Variants in TXNRD2 observed in about 807,000 individuals in gnomAD.
TXNRD2 encodes the protein thioredoxin reductase 2, mitochondrial.
Under a neutral mutation model 70.8 loss-of-function variants are expected in TXNRD2, and 67 were observed. That is an observed-to-expected ratio of 0.95 (90% CI 0.78 to 1.16). The LOEUF (loss-of-function observed/expected upper bound fraction) is 1.16. TXNRD2 is among the 50% of genes most tolerant of loss of function. The probability of loss-of-function intolerance (pLI) is 0.00; values close to 1 mark genes in which losing one functional copy is unlikely to be tolerated. For synonymous variants in TXNRD2, 301 were observed against 295.8 expected (o/e 1.02, Z -0.18); for missense variants, 644 against 719.9 (o/e 0.89, Z 1.21).
chr22:19,879,577 G>A lies in TXNRD2; in HGVS notation c.1275+602C>T, dbSNP rs7293098. On this transcript the variant is annotated intron_variant, in intron 14 of 17. Coordinates refer to ENST00000400521, the MANE Select transcript of TXNRD2 (RefSeq NM_006440.5). ...CGGGGGGCGGGGGGCTCTCGCCTGG[G>A]AGAAACCCTGGGCAGTCCAGGAAGA... Among the ~76,000 whole-genome samples, 646 of 141,560 alleles carry A rather than the reference G, an allele frequency of 4.6e-3. 3 individuals carry two copies. Among genetic ancestry groups the A allele is most frequent in the African/African-American group, 0.016 (615 of 39,392 alleles). The allele number at this position is 141,560 out of a possible 152,430, so 92.9% of individuals were successfully genotyped here.
At chr22:19,921,766 G>C (rs1036592171) in intron 2 of TXNRD2, among the ~76,000 whole-genome samples, 2 of 152,154 alleles carry the variant, frequency 1.3e-5, no homozygotes, top group Non-Finnish European at 2.9e-5. Flanking sequence ...AGATCTGATC[G>C]GCGCATGTGT....
intron 8 of TXNRD2, among the ~76,000 whole-genome samples, chr22:19,904,862 G>C (rs562124765): frequency 6.6e-6 from 1 of 152,350 alleles, no homozygotes; most frequent in East Asian, 1.9e-4. Flanking sequence ...ACTACGGGAG[G>C]CACTCAGGGG....
chr22:19,888,884 T>TC (rs1198014727), intron 11 of TXNRD2, among the ~76,000 whole-genome samples: 3 of 137,934 alleles, frequency 2.2e-5, no homozygotes, highest in Non-Finnish European at 4.7e-5. Context: ...TTTATCTTCT[T>TC]TTTTTTTTTT....
chr22:19,936,094 T>G (rs1380291283), intron 1 of TXNRD2, among the ~76,000 whole-genome samples: 1 of 152,174 alleles, frequency 6.6e-6, no homozygotes, highest in Non-Finnish European at 1.5e-5. Flanking sequence ...TGTGGAACTA[T>G]GGGATCATGT....
chr22:19,910,416 C>T (rs1419713758), intron 8 of TXNRD2, among the ~76,000 whole-genome samples: 1 of 152,210 alleles, frequency 6.6e-6, no homozygotes, highest in Admixed American at 6.5e-5. Flanking sequence ...TGGCTCTCCC[C>T]TCCTTAATGT....
At chr22:19,894,969 CAAA>C (rs35599379) in intron 11 of TXNRD2, 3,479 of 1,256,810 alleles carry the variant, frequency 2.8e-3, no homozygotes, top group East Asian at 5.8e-3. Context: ...GACTCCATCT[CAAA>C]AAAAAAAAAA....
intron 9 of TXNRD2, among the ~76,000 whole-genome samples, chr22:19,898,470 C>CTGCTTTCT (rs982159414): frequency 1.0e-4 from 15 of 149,632 alleles, no homozygotes; most frequent in Admixed American, 9.9e-4. Context: ...TGCCAGGCAG[C>CTGCTTTCT]TGCTTTCTTC....
chr22:19,904,286 C>T (rs1039045151), intron 8 of TXNRD2, among the ~76,000 whole-genome samples: 2 of 152,266 alleles, frequency 1.3e-5, no homozygotes, highest in Non-Finnish European at 2.9e-5. Context: ...AAACCAGGTG[C>T]TCAGCCCACT....
chr22:19,885,484 C>A (rs1938986395), intron 11 of TXNRD2, among the ~76,000 whole-genome samples: 1 of 152,224 alleles, frequency 6.6e-6, no homozygotes, highest in Admixed American at 6.5e-5. Flanking sequence ...CTGTGCTCTG[C>A]TCAGCCGCAG....
chr22:19,932,225 C>A, intron 1 of TXNRD2: 6 of 1,529,786 alleles, frequency 3.9e-6, no homozygotes, highest in Non-Finnish European at 4.5e-6. Flanking sequence ...CTGGCCAGTG[C>A]ACACAGCCAG....
chr22:19,902,329 G>T (rs1305604979), intron 8 of TXNRD2, among the ~76,000 whole-genome samples: 1 of 152,204 alleles, frequency 6.6e-6, no homozygotes, highest in East Asian at 1.9e-4. Context: ...AGGCTTTCTT[G>T]TTCAAAATTG....
At chr22:19,911,577 G>A in intron 7 of TXNRD2, 130 bp from the exon 8 acceptor site, 1 of 747,636 alleles carries the variant, frequency 1.3e-6, no homozygotes, top group South Asian at 1.5e-5. Context: ...GGGCTTCCCT[G>A]CTGCCAGTCC....
chr22:19,905,631 A>G (rs1240591216), intron 8 of TXNRD2, among the ~76,000 whole-genome samples: 2 of 152,190 alleles, frequency 1.3e-5, no homozygotes, highest in East Asian at 3.8e-4. Flanking sequence ...GGCCCAGCAG[A>G]CATCCTGGGG....
At chr22:19,920,397 G>T (rs11089318) in intron 2 of TXNRD2, among the ~76,000 whole-genome samples, 17,818 of 152,114 alleles carry the variant, frequency 0.12, 1,309 homozygotes, top group Middle Eastern at 0.21. Context: ...GGCCAACATG[G>T]TAAAACGTGT....
At chr22:19,909,577 A>ACT (rs1555911478) in intron 8 of TXNRD2, among the ~76,000 whole-genome samples, 3 of 38,790 alleles carry the variant, frequency 7.7e-5, no homozygotes, top group Non-Finnish European at 1.1e-4. Flanking sequence ...TACACACACC[A>ACT]CACACACACA....
chr22:19,883,333 C>CCAATG lies in TXNRD2; in HGVS notation c.1077_1078insCATTG (p.Val360HisfsTer10). The CCAATG allele has an allele frequency of 1.9e-6, 3 of 1,613,728 alleles. No homozygotes were observed. Among genetic ancestry groups the CCAATG allele is most frequent in the Non-Finnish European group, 2.5e-6 (3 of 1,179,962 alleles). ...CGGGACGCATGCCGTACCTCCACCA[C>CCAATG]GTCACCAATGGCGTAGATGTGGGGC... is the stretch of plus-strand genomic sequence containing the variant. On this transcript the variant is annotated frameshift_variant, in exon 12 of 18. Transcript: ENST00000400521. LOFTEE classifies it high-confidence loss of function.
intron 1 of TXNRD2, chr22:19,938,177 G>C (rs1411437546): frequency 6.6e-6 from 1 of 152,012 alleles, no homozygotes; most frequent in Non-Finnish European, 1.5e-5. Flanking sequence ...TGTTAGGCAG[G>C]GCATCCACCT....
intron 7 of TXNRD2, among the ~76,000 whole-genome samples, chr22:19,912,402 G>A (rs1436366419): frequency 6.6e-6 from 1 of 152,020 alleles, no homozygotes; most frequent in African/African-American, 2.4e-5. Context: ...GCCTCCTAAG[G>A]ACCAGGAGCG....
chr22:19,934,922 C>T (rs953651911), intron 1 of TXNRD2, among the ~76,000 whole-genome samples: 5 of 152,152 alleles, frequency 3.3e-5, no homozygotes, highest in South Asian at 2.1e-4. Flanking sequence ...CTGTTATCTT[C>T]ATAAGCTGAT....
Sources: allele counts gnomAD v4.1 joint callset (sites outside exome capture counted in the v4.1 genomes callset), GRCh38; gene constraint gnomAD v4.1.1; transcripts MANE v1.5; gene names NCBI Gene and HGNC (gene_info 2026-07-23, HGNC 2026-07-21).